The following CLEC16A variants were observed in gnomAD, a reference collection of about 807,000 sequenced individuals.
CLEC16A encodes protein CLEC16A.
Under a neutral mutation model 109.5 loss-of-function variants are expected in CLEC16A, and 51 were observed. That is an observed-to-expected ratio of 0.47 (90% CI 0.37 to 0.59). CLEC16A has a LOEUF of 0.59. Among genes scored for constraint, CLEC16A ranks in the 20% least tolerant of loss-of-function variants. The pLI is 0.00. For missense variants in CLEC16A, 1,339 were observed against 1,394.0 expected (o/e 0.96, Z 0.63); for synonymous variants, 673 against 564.2 (o/e 1.19, Z -2.73).
intron 22 of CLEC16A, among the ~76,000 whole-genome samples, chr16:11,147,600 T>G (rs1243884555): frequency 2.0e-5 from 3 of 152,168 alleles, no homozygotes; most frequent in Non-Finnish European, 2.9e-5. Flanking sequence ...CTAAATTGAT[T>G]GTGGAGGTGG....
At chr16:11,047,374 G>A (rs1262738919) in intron 17 of CLEC16A, 32 bp downstream of exon 17, 2 of 1,543,170 alleles carry the variant, frequency 1.3e-6, no homozygotes, top group Admixed American at 2.0e-5. Flanking sequence ...ACTTGGGCTG[G>A]TGTGCGCCTG....
intron 19 of CLEC16A, among the ~76,000 whole-genome samples, chr16:11,108,075 C>T (rs539415422): frequency 6.6e-6 from 1 of 152,338 alleles, no homozygotes. Context: ...CACAAAGAAC[C>T]GTCTCCATCC....
At chr16:11,022,276 C>A (rs2046147519) in intron 12 of CLEC16A, among the ~76,000 whole-genome samples, 1 of 151,932 alleles carries the variant, frequency 6.6e-6, no homozygotes, top group South Asian at 2.1e-4. Context: ...ACTGCCACTG[C>A]CCTCTGTCCC....
chr16:11,161,588 C>T (rs1172525336), intron 22 of CLEC16A, among the ~76,000 whole-genome samples: 2 of 152,168 alleles, frequency 1.3e-5, no homozygotes, highest in Non-Finnish European at 1.5e-5. Flanking sequence ...CGAAAGATAT[C>T]TGGGGGTTCC....
At chr16:10,993,471 A>C (rs186716550) in intron 10 of CLEC16A, among the ~76,000 whole-genome samples, 76 of 152,290 alleles carry the variant, frequency 5.0e-4, no homozygotes, top group African/African-American at 1.7e-3. Context: ...TGTTATTGTC[A>C]CACGCTCCCC....
chr16:11,017,847 C>T (rs1315876803), intron 11 of CLEC16A, among the ~76,000 whole-genome samples: 1 of 151,992 alleles, frequency 6.6e-6, no homozygotes, highest in Non-Finnish European at 1.5e-5. Context: ...CAAGCAAGGA[C>T]AGTCTGAGAA....
intron 19 of CLEC16A, among the ~76,000 whole-genome samples, chr16:11,074,106 A>T (rs756083929): frequency 2.5e-4 from 38 of 152,166 alleles, no homozygotes; most frequent in Non-Finnish European, 4.0e-4. Context: ...GAGCTACCCC[A>T]AATTATTTAA....
At chr16:11,086,644 G>A (rs548578557) in intron 19 of CLEC16A, among the ~76,000 whole-genome samples, 100 of 152,280 alleles carry the variant, frequency 6.6e-4, no homozygotes, top group African/African-American at 2.4e-3. Flanking sequence ...CCAGGTTCAA[G>A]CGATTCTCCT....
At position 11,049,974 on chromosome 16, in the gene CLEC16A, T is replaced by C. The variant is rs2002646; in HGVS notation, c.1867-1539T>C. ...CATGCACCAAGTGGCTCCTTGGCCC[T>C]CTGGCCCATTCACCGGGTGTCTCAG... On this transcript the variant is annotated intron_variant, in intron 17 of 23. Transcript: ENST00000409790. 5.5e-3 allele frequency among the ~76,000 whole-genome samples: 832 copies of C among 152,344 alleles called. 7 individuals carry two copies. The highest frequency in any genetic ancestry group is 0.019 in the African/African-American group (782 of 41,584).
intron 8 of CLEC16A, among the ~76,000 whole-genome samples, chr16:10,978,976 C>A (rs2043168625): frequency 6.6e-6 from 1 of 152,054 alleles, no homozygotes; most frequent in African/African-American, 2.4e-5. Context: ...AAATAACTTC[C>A]CAAGAACAGG....
In CLEC16A at chr16:11,044,906, A is replaced by T. The variant is rs529214234; in HGVS notation, c.1815+834A>T. ...GCGCCATTGCCCTCCATCCTAGGCA[A>T]CAAGAGCGAAAACTCCATCTCAAAA... On this transcript the variant is annotated intron_variant, in intron 16 of 23. Coordinates refer to ENST00000409790, the MANE Select transcript of CLEC16A (RefSeq NM_015226.3). Among the ~76,000 whole-genome samples, 3 of 150,260 alleles carry T rather than the reference A, an allele frequency of 2.0e-5. No individual in the cohort carries two copies. The South Asian group carries it at 6.4e-4, about 32-fold the overall frequency.
intron 19 of CLEC16A, among the ~76,000 whole-genome samples, chr16:11,076,593 G>A (rs900242415): frequency 3.9e-5 from 6 of 152,286 alleles, no homozygotes; most frequent in East Asian, 1.9e-4. Context: ...CACAGGATCC[G>A]GTGATTGCTC....
chr16:10,987,123 T>C (rs995673068), intron 10 of CLEC16A, among the ~76,000 whole-genome samples: 1 of 152,144 alleles, frequency 6.6e-6, no homozygotes, highest in Non-Finnish European at 1.5e-5. Context: ...CCCAATGTGC[T>C]GGGATTACAG....
intron 19 of CLEC16A, among the ~76,000 whole-genome samples, chr16:11,120,004 C>G (rs2052285152): frequency 6.6e-6 from 1 of 151,812 alleles, no homozygotes; most frequent in African/African-American, 2.4e-5. Flanking sequence ...GAGTTTTGCT[C>G]TTATTGCCCA....
chr16:11,127,601 C>T (rs1318169067), intron 22 of CLEC16A, among the ~76,000 whole-genome samples: 1 of 152,232 alleles, frequency 6.6e-6, no homozygotes, highest in African/African-American at 2.4e-5. Context: ...GGCATGGCGG[C>T]TCATGCCAGT....
intron 11 of CLEC16A, among the ~76,000 whole-genome samples, chr16:11,006,564 C>T (rs922122230): frequency 1.3e-5 from 2 of 152,172 alleles, no homozygotes; most frequent in Non-Finnish European, 1.5e-5. Context: ...TGACACTCTG[C>T]CTCTGCATAC....
chr16:11,080,379 G>T (rs1292282973), intron 19 of CLEC16A, among the ~76,000 whole-genome samples: 1 of 152,216 alleles, frequency 6.6e-6, no homozygotes, highest in South Asian at 2.1e-4. Context: ...CTGGGCGTCC[G>T]AGCCTTTGAG....
At chr16:11,087,805 C>T (rs187766244) in intron 19 of CLEC16A, among the ~76,000 whole-genome samples, 66 of 152,366 alleles carry the variant, frequency 4.3e-4, no homozygotes, top group African/African-American at 1.5e-3. Flanking sequence ...GAGAGGAGGA[C>T]GGGGCTTGCC....
intron 19 of CLEC16A, among the ~76,000 whole-genome samples, chr16:11,067,377 A>G (rs1567271459): frequency 6.6e-6 from 1 of 151,774 alleles, no homozygotes; most frequent in East Asian, 1.9e-4. Flanking sequence ...GCTGGAGGTC[A>G]GGGAGGCTTC....
Sources: allele counts gnomAD v4.1 joint callset (sites outside exome capture counted in the v4.1 genomes callset), GRCh38; gene constraint gnomAD v4.1.1; transcripts MANE v1.5; gene names NCBI Gene and HGNC (gene_info 2026-07-23, HGNC 2026-07-21).